Variants in GNAI3 observed in about 807,000 individuals in gnomAD.
GNAI3 encodes the protein G protein subunit alpha i3.
A neutral mutation model predicts 41.8 loss-of-function variants in GNAI3; 12 were observed. The ratio of observed to expected loss-of-function variants is 0.29; its 90% confidence interval spans 0.18 to 0.47. The LOEUF (loss-of-function observed/expected upper bound fraction) is 0.47, where lower values mean the gene tolerates loss of function less well. Among genes scored for constraint, GNAI3 ranks in the 20% least tolerant of loss-of-function variants. The pLI, the probability that GNAI3 is intolerant of heterozygous loss-of-function variation, is 1.00. For synonymous variants in GNAI3, 132 were observed against 146.5 expected (o/e 0.90, Z 0.71); for missense variants, 360 against 429.6 (o/e 0.84, Z 1.43).
At position 109,592,080 on chromosome 1, in the gene GNAI3, A is replaced by G. The variant is rs1649187414; in HGVS notation, c.912A>G (p.Gln304=). 1 of 1,613,054 alleles carries G rather than the reference A, an allele frequency of 6.2e-7. No homozygotes were observed. The highest frequency in any genetic ancestry group is 8.5e-7 in the Non-Finnish European group (1 of 1,179,144). The change falls in exon 8 of 9, where the codon CAA becomes CAG. Residue 304 remains glutamine, a synonymous_variant. Coordinates refer to ENST00000369851, the MANE Select transcript of GNAI3 (RefSeq NM_006496.4). ...NTYEEAAAYI[Q]CQFEDLNRRK... ...ATGAAGAGGCAGCTGCCTATATTCA[A>G]TGCCAGTTTGAAGATCTGAACAGAA...
intron 1 of GNAI3, among the ~76,000 whole-genome samples, chr1:109,555,998 GTT>G (rs1244871190): frequency 6.9e-5 from 10 of 144,410 alleles, no homozygotes; most frequent in African/African-American, 2.4e-4. Flanking sequence ...GTGTGTGTGT[GTT>G]TGTGTGTGTT....
chr1:109,573,238 T>G (rs1648654738), intron 1 of GNAI3, among the ~76,000 whole-genome samples: 1 of 152,196 alleles, frequency 6.6e-6, no homozygotes, highest in Non-Finnish European at 1.5e-5. Flanking sequence ...AGATGACATA[T>G]GGTGAGAAAT....
At chr1:109,567,441 A>AG (rs2101096802) in intron 1 of GNAI3, among the ~76,000 whole-genome samples, 1 of 152,346 alleles carries the variant, frequency 6.6e-6, no homozygotes, top group African/African-American at 2.4e-5. Context: ...GTTGAAAAGG[A>AG]GAGGCGATAG....
In GNAI3 at chr1:109,593,633, A is replaced by T. The variant is rs750829750; in HGVS notation, c.*1311A>T. The T allele has an allele frequency of 1.3e-5, 2 of 152,762 alleles. No homozygotes were observed. The highest frequency in any genetic ancestry group is 6.8e-3 in the Middle Eastern group (2 of 294). The allele number at this position is 152,762 out of a possible 1,614,324, so 9.5% of individuals were successfully genotyped here. On this transcript the variant is annotated 3_prime_UTR_variant, in exon 9 of 9. Coordinates refer to ENST00000369851, the MANE Select transcript of GNAI3 (RefSeq NM_006496.4). The stretch of plus-strand genomic sequence containing the variant: ...TGGGTTTAGGTAGAAGGGTTTCCTG[A>T]AAGTCTAGTCTTTTGGTGTAATAGT...
intron 7 of GNAI3, chr1:109,591,454 C>G: frequency 1.1e-6 from 1 of 914,480 alleles, no homozygotes; most frequent in Non-Finnish European, 1.7e-6. Flanking sequence ...TTTCTCACTT[C>G]ATTGATCCTT....
chr1:109,592,211 TAAAG>T lies in GNAI3; in HGVS notation c.1044_1047del (p.Lys349AsnfsTer11). 6.2e-7 allele frequency: 1 copy of T among 1,611,236 alleles called. No individual in the cohort carries two copies. The highest frequency in any genetic ancestry group is 8.5e-7 in the Non-Finnish European group (1 of 1,177,416). On this transcript the variant is annotated frameshift_variant, in exon 8 of 9. Transcript: ENST00000369851. LOFTEE classifies it high-confidence loss of function. ...ACAGATGTCATCATTAAAAACAACTTAAAGGAATGTGGACTTTATTGAGAAGCAT... is the reference window on the plus strand; with the variant it reads ...ACAGATGTCATCATTAAAAACAACTTGAATGTGGACTTTATTGAGAAGCAT...
chr1:109,555,681 C>G (rs904451055), intron 1 of GNAI3, among the ~76,000 whole-genome samples: 1 of 151,972 alleles, frequency 6.6e-6, no homozygotes, highest in Non-Finnish European at 1.5e-5. Flanking sequence ...TTTTAGCATA[C>G]TAAACTTATA....
Position 109,548,629 on chromosome 1 carries a change from C to A in GNAI3, c.-92C>A, listed in dbSNP as rs866919327. The stretch of plus-strand genomic sequence containing the variant: ...CTAAGGGAGCTGACGGAGAGGGCCA[C>A]CGCCCAGCAATAGACGGTGCCTCAG... On this transcript the variant is annotated 5_prime_UTR_variant, in exon 1 of 9. Transcript: ENST00000369851. 1 of 833,404 alleles carries A rather than the reference C, an allele frequency of 1.2e-6. No homozygotes were observed. Among genetic ancestry groups the A allele is most frequent in the Non-Finnish European group, 2.0e-6 (1 of 505,468 alleles). The allele number at this position is 833,404 out of a possible 1,614,324, so 51.6% of individuals were successfully genotyped here. A position where few individuals can be genotyped will look rare whatever the true frequency, so the allele number is the denominator to read the frequency against.
At chr1:109,554,782 T>G (rs1454571402) in intron 1 of GNAI3, among the ~76,000 whole-genome samples, 1 of 152,174 alleles carries the variant, frequency 6.6e-6, no homozygotes, top group African/African-American at 2.4e-5. Context: ...AGTCTTTGCC[T>G]AAGCCAATGG....
At position 109,595,487 on chromosome 1, in the gene GNAI3, C is replaced by A. The variant is rs11810577; in HGVS notation, c.*3165C>A. On this transcript the variant is annotated 3_prime_UTR_variant, in exon 9 of 9. Coordinates refer to ENST00000369851, the MANE Select transcript of GNAI3 (RefSeq NM_006496.4). ...AGATGGACCAAAATTTTAAAAAAAA[C>A]TTCTTGCCTTGTTTTTTTAATTTTC... 3 of 151,808 alleles carry A rather than the reference C, an allele frequency of 2.0e-5. No individual in the cohort carries two copies. Among genetic ancestry groups the A allele is most frequent in the Non-Finnish European group, 4.4e-5 (3 of 67,958 alleles). The allele number at this position is 151,808 out of a possible 1,614,324, so 9.4% of individuals were successfully genotyped here.
chr1:109,553,121 G>C (rs1571145515), intron 1 of GNAI3, among the ~76,000 whole-genome samples: 1 of 151,898 alleles, frequency 6.6e-6, no homozygotes, highest in Non-Finnish European at 1.5e-5. Context: ...TTTTTCAGAG[G>C]TTTTTCAGAC....
chr1:109,579,794 AC>A (rs1289540439), intron 4 of GNAI3, among the ~76,000 whole-genome samples: 1 of 152,168 alleles, frequency 6.6e-6, no homozygotes, highest in Non-Finnish European at 1.5e-5. Flanking sequence ...TTCACTAGTA[AC>A]CCTTTTGCCA....
intron 4 of GNAI3, 71 bp from the exon 5 acceptor site, chr1:109,582,366 A>T: frequency 4.2e-6 from 5 of 1,191,756 alleles, no homozygotes; most frequent in Non-Finnish European, 6.2e-6. Flanking sequence ...AATAGGAACT[A>T]ATTTAGTCTG....
At position 109,592,949 on chromosome 1, in the gene GNAI3, G is replaced by A. The variant is rs946525985; in HGVS notation, c.*627G>A. 2 of 152,578 alleles carry A rather than the reference G, an allele frequency of 1.3e-5. No homozygotes were observed. Among genetic ancestry groups the A allele is most frequent in the African/African-American group, 4.8e-5 (2 of 41,436 alleles). The allele number at this position is 152,578 out of a possible 1,614,324, so 9.5% of individuals were successfully genotyped here. On this transcript the variant is annotated 3_prime_UTR_variant, in exon 9 of 9. Transcript: ENST00000369851. ...AATTTATGTTATTATCCTGCTCAAA[G>A]TACCATTATGGTTTCCATATGGTAA...
intron 3 of GNAI3, among the ~76,000 whole-genome samples, chr1:109,578,550 C>T (rs914394444): frequency 1.3e-5 from 2 of 151,360 alleles, no homozygotes; most frequent in Admixed American, 1.3e-4. Flanking sequence ...CTTTCTTTTC[C>T]TCCTGCTCCC....
intron 3 of GNAI3, among the ~76,000 whole-genome samples, chr1:109,578,819 T>C (rs1369968925): frequency 6.6e-6 from 1 of 152,238 alleles, no homozygotes; most frequent in African/African-American, 2.4e-5. Context: ...TATTTCTATT[T>C]TTAGTGTAGG....
intron 4 of GNAI3, among the ~76,000 whole-genome samples, chr1:109,581,825 G>A (rs561070562): frequency 4.6e-4 from 70 of 152,162 alleles, no homozygotes; most frequent in Non-Finnish European, 7.6e-4. Context: ...GGAGGCGGAA[G>A]TTGCAGTGAG....
intron 1 of GNAI3, among the ~76,000 whole-genome samples, 172 bp downstream of exon 1, chr1:109,549,010 A>AG (rs1647906011): frequency 1.2e-5 from 1 of 84,964 alleles, no homozygotes; most frequent in Admixed American, 1.4e-4. Flanking sequence ...GGGCGTGATG[A>AG]GGGGGGTGGG....
chr1:109,560,724 T>G (rs1648287741), intron 1 of GNAI3, among the ~76,000 whole-genome samples: 1 of 152,158 alleles, frequency 6.6e-6, no homozygotes, highest in Non-Finnish European at 1.5e-5. Context: ...CTAATTTAAA[T>G]TTTTGGTAGA....
Sources: allele counts gnomAD v4.1 joint callset (sites outside exome capture counted in the v4.1 genomes callset), GRCh38; gene constraint gnomAD v4.1.1; transcripts MANE v1.5; gene names NCBI Gene and HGNC (gene_info 2026-07-23, HGNC 2026-07-21).